ABTB2: variants seen among roughly 807,000 people sequenced by gnomAD.
The protein encoded by ABTB2 is ankyrin repeat and BTB/POZ domain-containing protein 2.
ABTB2 carries 56 observed loss-of-function variants against 104.1 expected under a neutral mutation model. The ratio of observed to expected loss-of-function variants is 0.54; its 90% CI spans 0.43 to 0.67. ABTB2 has a LOEUF of 0.67. ABTB2 is among the 30% of genes least tolerant of loss of function. The pLI is 0.00. For missense variants in ABTB2, 1,279 were observed against 1,407.7 expected (o/e 0.91, Z 1.46); for synonymous variants, 606 against 608.2 (o/e 1.00, Z 0.05).
intron 1 of ABTB2, among the ~76,000 whole-genome samples, chr11:34,279,785 TTC>T (rs1380664959): frequency 2.2e-5 from 3 of 133,410 alleles, no homozygotes; most frequent in African/African-American, 6.8e-5. Context: ...TTCTTTCTTC[TTC>T]TTTTTTTTTT....
intron 3 of ABTB2, among the ~76,000 whole-genome samples, chr11:34,179,555 G>A (rs1187497170): frequency 6.6e-6 from 1 of 152,208 alleles, no homozygotes; most frequent in Non-Finnish European, 1.5e-5. Context: ...AAAGGGATCC[G>A]AAGGTCCTAG....
At chr11:34,353,507 ATC>A (rs1855425144) in intron 1 of ABTB2, among the ~76,000 whole-genome samples, 1 of 151,676 alleles carries the variant, frequency 6.6e-6, no homozygotes, top group Non-Finnish European at 1.5e-5. Context: ...TCATGAAGAT[ATC>A]ATCATTTAAT....
intron 1 of ABTB2, among the ~76,000 whole-genome samples, chr11:34,211,243 G>A (rs78045544): frequency 0.034 from 5,243 of 152,200 alleles, 116 homozygotes; most frequent in Non-Finnish European, 0.056. Flanking sequence ...TGAGTAGCTG[G>A]GGTACAGGGG....
At chr11:34,346,848 T>C (rs1428784011) in intron 1 of ABTB2, among the ~76,000 whole-genome samples, 1 of 152,220 alleles carries the variant, frequency 6.6e-6, no homozygotes, top group Non-Finnish European at 1.5e-5. Flanking sequence ...CTTGTGCACG[T>C]ACACCCACTT....
chr11:34,355,665 T>G (rs1855457029), intron 1 of ABTB2, among the ~76,000 whole-genome samples: 1 of 152,240 alleles, frequency 6.6e-6, no homozygotes, highest in Non-Finnish European at 1.5e-5. Context: ...CACTGAAAGC[T>G]GCCCCCCAAA....
At chr11:34,329,378 C>G (rs1028595987) in intron 1 of ABTB2, among the ~76,000 whole-genome samples, 5 of 152,194 alleles carry the variant, frequency 3.3e-5, no homozygotes, top group Non-Finnish European at 5.9e-5. Context: ...TCCCACTCCA[C>G]CCCCCTGCCC....
At chr11:34,243,274 A>AAT (rs139540650) in intron 1 of ABTB2, among the ~76,000 whole-genome samples, 31 of 151,642 alleles carry the variant, frequency 2.0e-4, no homozygotes, top group African/African-American at 6.5e-4. Flanking sequence ...ACCTCTGGCA[A>AAT]ATATATATAT....
At chr11:34,347,393 A>C (rs2009036) in intron 1 of ABTB2, among the ~76,000 whole-genome samples, 2 of 152,010 alleles carry the variant, frequency 1.3e-5, no homozygotes, top group African/African-American at 4.8e-5. Flanking sequence ...CTGAGATCGC[A>C]GCACTGCACT....
rs956041854 is a variant in ABTB2 at position 34,335,413 on chromosome 11, C to T, written c.883+21288G>A. On this transcript the variant is annotated intron_variant, in intron 1 of 16. Transcript: ENST00000435224. ...TTGATGAACTTTTCTAAGAGCACTT[C>T]TCTTTCAGTTTCTACTTCTTCACTC... 2.6e-5 allele frequency: 21 copies of T among 800,550 alleles called. No individual in the cohort carries two copies. In the Middle Eastern group the frequency reaches 6.9e-4, roughly 26 times the overall value. 49.6% of individuals were successfully genotyped at this position (800,550 alleles called of 1,614,324 possible). A position where few individuals can be genotyped will look rare whatever the true frequency, so the allele number is the denominator to read the frequency against.
At chr11:34,346,048 C>A (rs1855327153) in intron 1 of ABTB2, among the ~76,000 whole-genome samples, 1 of 152,162 alleles carries the variant, frequency 6.6e-6, no homozygotes. Context: ...GGTTCAGAGC[C>A]TGTATACCTC....
intron 1 of ABTB2, among the ~76,000 whole-genome samples, chr11:34,347,874 G>A (rs1232311178): frequency 6.6e-6 from 1 of 151,964 alleles, no homozygotes; most frequent in Non-Finnish European, 1.5e-5. Context: ...ACATCAGTCG[G>A]ACTTAACACC....
At chr11:34,296,485 A>G (rs532710168) in intron 1 of ABTB2, among the ~76,000 whole-genome samples, 1 of 152,350 alleles carries the variant, frequency 6.6e-6, no homozygotes, top group African/African-American at 2.4e-5. Flanking sequence ...ATAAGGCCCA[A>G]GGTATAACCC....
At chr11:34,212,917 C>T (rs1258885993) in intron 1 of ABTB2, among the ~76,000 whole-genome samples, 1 of 152,128 alleles carries the variant, frequency 6.6e-6, no homozygotes, top group Non-Finnish European at 1.5e-5. Context: ...GGCCACAGAA[C>T]CCAGGGGGAG....
Position 34,154,907 on chromosome 11 carries a change from C to T in ABTB2, c.2698-138G>A. On this transcript the variant is annotated intron_variant, in intron 14 of 16. Transcript: ENST00000435224. This position sits in a 1 kb window ranked among gnomAD's most constrained non-coding sequence, Gnocchi z 4.9. ...AGGTCCCCAGCTCTGTCTCTCCCTC[C>T]CTCTCCTGCTCAGGCTGAGACTTGT... 2 of 765,086 alleles carry T rather than the reference C, an allele frequency of 2.6e-6. No homozygotes were observed. Among genetic ancestry groups the T allele is most frequent in the South Asian group, 1.8e-5 (1 of 56,580 alleles). The allele number at this position is 765,086 out of a possible 1,614,324, so 47.4% of individuals were successfully genotyped here.
chr11:34,219,033 C>T (rs377185252), intron 1 of ABTB2, among the ~76,000 whole-genome samples: 23 of 108,900 alleles, frequency 2.1e-4, no homozygotes, highest in African/African-American at 3.8e-4. Context: ...ATTCATTACA[C>T]GCCTACTAAT....
chr11:34,232,154 A>G (rs1224989666), intron 1 of ABTB2, among the ~76,000 whole-genome samples: 3 of 152,166 alleles, frequency 2.0e-5, no homozygotes, highest in Non-Finnish European at 4.4e-5. Flanking sequence ...ATGTAAATCT[A>G]AAATTGTTCT....
At chr11:34,272,838 C>T (rs1453484369) in intron 1 of ABTB2, among the ~76,000 whole-genome samples, 4 of 151,530 alleles carry the variant, frequency 2.6e-5, no homozygotes, top group Admixed American at 2.6e-4. Context: ...TCATGAGACG[C>T]AGTTCAGAGC....
In ABTB2 at chr11:34,317,744, A is replaced by G. The variant is rs1171265472; in HGVS notation, c.883+38957T>C. Among the ~76,000 whole-genome samples, 3 of 143,550 alleles carry G rather than the reference A, an allele frequency of 2.1e-5. No individual in the cohort carries two copies. In the Admixed American group the frequency reaches 2.2e-4, roughly 10 times the overall value. 94.2% of individuals were successfully genotyped at this position (143,550 alleles called of 152,430 possible). A position where few individuals can be genotyped will look rare whatever the true frequency, so the allele number is the denominator to read the frequency against. ...GTCACCACATTCCAGCCCAGGCAAC[A>G]GAGCAAAATCCTGTCTCAAAAAAAA... is the stretch of plus-strand genomic sequence containing the variant. On this transcript the variant is annotated intron_variant, in intron 1 of 16. Coordinates refer to ENST00000435224, the MANE Select transcript of ABTB2 (RefSeq NM_145804.3).
At chr11:34,182,747 A>G (rs572955607) in intron 3 of ABTB2, among the ~76,000 whole-genome samples, 2 of 152,182 alleles carry the variant, frequency 1.3e-5, no homozygotes, top group Admixed American at 6.5e-5. Context: ...GGAGTAATAG[A>G]AAAATGCAAA....
Sources: allele counts gnomAD v4.1 joint callset (sites outside exome capture counted in the v4.1 genomes callset), GRCh38; gene constraint gnomAD v4.1.1; non-coding constraint Gnocchi (gnomAD v3.1); transcripts MANE v1.5; gene names NCBI Gene and HGNC (gene_info 2026-07-23, HGNC 2026-07-21).